Variants in IL1RAPL2 observed in about 807,000 individuals in gnomAD.
IL1RAPL2 encodes the protein X-linked interleukin-1 receptor accessory protein-like 2.
Under a neutral mutation model 44.1 loss-of-function variants are expected in IL1RAPL2, and 3 were observed. That is an observed-to-expected ratio of 0.07 (90% CI 0.03 to 0.18). IL1RAPL2 has a LOEUF of 0.18. IL1RAPL2 is among the 10% of genes least tolerant of loss of function. The pLI is 1.00. For missense variants in IL1RAPL2, 391 were observed against 496.4 expected (o/e 0.79, Z 2.02); for synonymous variants, 181 against 178.8 (o/e 1.01, Z -0.10).
intron 1 of IL1RAPL2, among the ~76,000 whole-genome samples, chrX:104,622,626 A>G (rs1255009509): frequency 2.7e-5 from 3 of 110,813 alleles, no homozygotes; most frequent in Non-Finnish European, 1.9e-5. Flanking sequence ...GAGGACCAAT[A>G]TAGTGTCTCT....
In IL1RAPL2 at chrX:104,921,964, C is replaced by T. The variant is rs1169568138; in HGVS notation, c.82+262969C>T. ...TGGCATCCTTCTTACCCTGAGCGTG[C>T]TCTGTGGCACAGGAGAGGCGCCGCC... On this transcript the variant is annotated intron_variant, in intron 2 of 10. Coordinates refer to ENST00000372582, the MANE Select transcript of IL1RAPL2 (RefSeq NM_017416.2). 5.3e-5 allele frequency among the ~76,000 whole-genome samples: 6 copies of T among 112,427 alleles called. No homozygotes were observed. In the East Asian group the frequency reaches 1.7e-3, roughly 32 times the overall value.
chrX:105,605,983 C>T (rs1293598155), intron 6 of IL1RAPL2, among the ~76,000 whole-genome samples: 3 of 111,240 alleles, frequency 2.7e-5, no homozygotes, highest in Non-Finnish European at 5.7e-5. Context: ...AAACTTCAAA[C>T]CATAAAACGA....
chrX:104,961,277 G>A (rs138049715), intron 2 of IL1RAPL2, among the ~76,000 whole-genome samples: 1 of 111,784 alleles, frequency 8.9e-6, no homozygotes, highest in East Asian at 2.8e-4. Flanking sequence ...AAACATTGCT[G>A]CCTTGAAGTA....
intron 5 of IL1RAPL2, among the ~76,000 whole-genome samples, chrX:105,457,446 T>C (rs928778888): frequency 9.1e-6 from 1 of 110,087 alleles, no homozygotes. Flanking sequence ...TCTAGTCTAC[T>C]TTTTGTCTGT....
chrX:104,987,431 A>T (rs1404985245), intron 2 of IL1RAPL2, among the ~76,000 whole-genome samples: 17 of 33,416 alleles, frequency 5.1e-4, no homozygotes, highest in Non-Finnish European at 7.6e-4. Flanking sequence ...GTATAATGTA[A>T]AAAAAAAAAA....
intron 2 of IL1RAPL2, among the ~76,000 whole-genome samples, chrX:104,837,389 T>G (rs959840185): frequency 9.0e-6 from 1 of 111,455 alleles, no homozygotes; most frequent in Non-Finnish European, 1.9e-5. Flanking sequence ...CACCAGCATC[T>G]ATTGTTTCCT....
chrX:104,787,722 A>T (rs746517398), intron 2 of IL1RAPL2, among the ~76,000 whole-genome samples: 1 of 111,987 alleles, frequency 8.9e-6, no homozygotes, highest in Non-Finnish European at 1.9e-5. Context: ...GTTGTTCTTA[A>T]ACTTGGGCAT....
chrX:105,113,364 C>A (rs779555629), intron 2 of IL1RAPL2, among the ~76,000 whole-genome samples: 2 of 112,453 alleles, frequency 1.8e-5, no homozygotes, highest in African/African-American at 6.5e-5. Context: ...CTGTATATAA[C>A]TGCATTATGA....
At chrX:105,311,984 AAGGAG>A (rs999789077) in intron 5 of IL1RAPL2, among the ~76,000 whole-genome samples, 3 of 111,936 alleles carry the variant, frequency 2.7e-5, no homozygotes, top group Non-Finnish European at 5.7e-5. Context: ...AAATTGGCGA[AAGGAG>A]TTACCAATTC....
chrX:105,228,829 G>T (rs781894843), intron 3 of IL1RAPL2, among the ~76,000 whole-genome samples: 2 of 111,855 alleles, frequency 1.8e-5, no homozygotes, highest in Non-Finnish European at 3.8e-5. Flanking sequence ...GACCAGCTAC[G>T]TCAGCTTGAC....
intron 5 of IL1RAPL2, among the ~76,000 whole-genome samples, chrX:105,323,219 T>A (rs1336429288): frequency 1.8e-5 from 2 of 112,582 alleles, no homozygotes; most frequent in Non-Finnish European, 3.7e-5. Context: ...TCAAAATATA[T>A]CTTTTAGTGT....
intron 6 of IL1RAPL2, among the ~76,000 whole-genome samples, chrX:105,507,569 AT>A (rs1308098723): frequency 5.4e-5 from 6 of 110,953 alleles, no homozygotes; most frequent in Non-Finnish European, 1.1e-4. Context: ...AAGTTGTACT[AT>A]TTTTTTTACT....
intron 2 of IL1RAPL2, among the ~76,000 whole-genome samples, chrX:105,062,271 A>G (rs1352166202): frequency 9.0e-6 from 1 of 111,349 alleles, no homozygotes; most frequent in Non-Finnish European, 1.9e-5. Context: ...GCTGATAAAA[A>G]CTTAATGCTG....
At chrX:105,011,702 C>A (rs2031050358) in intron 2 of IL1RAPL2, among the ~76,000 whole-genome samples, 1 of 110,917 alleles carries the variant, frequency 9.0e-6, no homozygotes, top group African/African-American at 3.3e-5. Context: ...TTTGTTTATC[C>A]ATTTATTAGT....
At chrX:105,652,139 G>A (rs1431284174) in intron 6 of IL1RAPL2, among the ~76,000 whole-genome samples, 4 of 111,670 alleles carry the variant, frequency 3.6e-5, no homozygotes, top group Non-Finnish European at 7.5e-5. Context: ...TTGATTGCCT[G>A]AATCTTTCTT....
chrX:105,630,453 A>G (rs1314024072), intron 6 of IL1RAPL2, among the ~76,000 whole-genome samples: 1 of 110,074 alleles, frequency 9.1e-6, no homozygotes, highest in Non-Finnish European at 1.9e-5. Flanking sequence ...GCTAGTAAGC[A>G]TCAGTGCTAA....
chrX:105,629,081 G>T (rs925681712), intron 6 of IL1RAPL2, among the ~76,000 whole-genome samples: 1 of 112,014 alleles, frequency 8.9e-6, no homozygotes, highest in South Asian at 3.7e-4. Flanking sequence ...TGAAAGACTA[G>T]AATCAGATAA....
intron 2 of IL1RAPL2, among the ~76,000 whole-genome samples, chrX:104,662,700 A>G (rs1390674426): frequency 1.8e-5 from 2 of 111,833 alleles, no homozygotes; most frequent in Non-Finnish European, 3.8e-5. Flanking sequence ...AAACGTCCTC[A>G]GAATATACAT....
chrX:105,336,832 A>G (rs188898926), intron 5 of IL1RAPL2, among the ~76,000 whole-genome samples: 1 of 111,980 alleles, frequency 8.9e-6, no homozygotes, highest in East Asian at 2.8e-4. Flanking sequence ...TCTTCCTTAT[A>G]TCATTTATTG....
Sources: allele counts gnomAD v4.1 joint callset (sites outside exome capture counted in the v4.1 genomes callset), GRCh38; gene constraint gnomAD v4.1.1; transcripts MANE v1.5; gene names NCBI Gene and HGNC (gene_info 2026-07-23, HGNC 2026-07-21).